NCAM2: variants seen among roughly 807,000 people sequenced by gnomAD.
The protein encoded by NCAM2 is neural cell adhesion molecule 2, also known as N-CAM-2.
A neutral mutation model predicts 98.1 loss-of-function variants in NCAM2; 30 were observed. The observed-to-expected ratio is 0.31, with a 90% confidence interval of 0.23 to 0.41. NCAM2 has a LOEUF of 0.41. Ranked by LOEUF, NCAM2 falls within the 10% of genes least tolerant of loss-of-function variation. The pLI is 1.00. For missense variants in NCAM2, 867 were observed against 1,005.8 expected (o/e 0.86, Z 1.87); for synonymous variants, 368 against 342.4 (o/e 1.07, Z -0.83).
chr21:21,056,559 G>GAGTGAGAGAGAGAGAT, intron 1 of NCAM2, among the ~76,000 whole-genome samples: 1 of 150,284 alleles, frequency 6.7e-6, no homozygotes, highest in South Asian at 2.1e-4. Context: ...GAGAGAGAGA[G>GAGTGAGAGAGAGAGAT]AGTGAGAGAG....
At chr21:21,315,984 A>G (rs2074208894) in intron 5 of NCAM2, among the ~76,000 whole-genome samples, 1 of 152,166 alleles carries the variant, frequency 6.6e-6, no homozygotes, top group African/African-American at 2.4e-5. Flanking sequence ...CCTTATTTAA[A>G]CAATAAGGAA....
intron 1 of NCAM2, among the ~76,000 whole-genome samples, chr21:21,128,819 G>A (rs529372903): frequency 6.6e-6 from 1 of 152,128 alleles, no homozygotes; most frequent in African/African-American, 2.4e-5. Context: ...CTTGGAAATG[G>A]CAAAAATATA....
intron 17 of NCAM2, among the ~76,000 whole-genome samples, chr21:21,536,729 A>C (rs1190555941): frequency 6.6e-6 from 1 of 152,092 alleles, no homozygotes; most frequent in Non-Finnish European, 1.5e-5. Context: ...GGTGTGGAAA[A>C]AGTATGTTGT....
intron 9 of NCAM2, among the ~76,000 whole-genome samples, chr21:21,403,858 C>T (rs1164767476): frequency 1.3e-5 from 2 of 151,966 alleles, no homozygotes; most frequent in African/African-American, 4.8e-5. Context: ...TAATTCTAAA[C>T]AAGTTATTGT....
intron 8 of NCAM2, among the ~76,000 whole-genome samples, chr21:21,367,762 T>C (rs1260240351): frequency 6.6e-6 from 1 of 151,970 alleles, no homozygotes; most frequent in Non-Finnish European, 1.5e-5. Context: ...ATTCTTATCA[T>C]ACCCATTATA....
chr21:21,329,139 G>A (rs946734342), intron 6 of NCAM2, among the ~76,000 whole-genome samples: 4 of 151,872 alleles, frequency 2.6e-5, no homozygotes, highest in Admixed American at 6.6e-5. Context: ...ATTTTTAGTA[G>A]AGACGGGTTT....
At chr21:21,197,680 G>A (rs761137547) in intron 1 of NCAM2, among the ~76,000 whole-genome samples, 2 of 152,054 alleles carry the variant, frequency 1.3e-5, no homozygotes, top group Non-Finnish European at 2.9e-5. Flanking sequence ...AACACATATC[G>A]TTTCTGTGTT....
intron 10 of NCAM2, among the ~76,000 whole-genome samples, chr21:21,411,528 T>G (rs967265574): frequency 4.6e-5 from 7 of 152,094 alleles, no homozygotes; most frequent in African/African-American, 1.7e-4. Flanking sequence ...AAAGTGCCTC[T>G]TATTTATTAA....
At chr21:21,233,442 C>A (rs1315747976) in intron 1 of NCAM2, among the ~76,000 whole-genome samples, 1 of 151,470 alleles carries the variant, frequency 6.6e-6, no homozygotes, top group Non-Finnish European at 1.5e-5. Context: ...TTTCTTAACT[C>A]CTTAGAAGCA....
At chr21:21,427,425 G>A (rs541391883) in intron 11 of NCAM2, among the ~76,000 whole-genome samples, 20 of 152,260 alleles carry the variant, frequency 1.3e-4, no homozygotes, top group Admixed American at 7.8e-4. Context: ...TAATCAAGAC[G>A]TGATAGCTGT....
chr21:21,495,258 A>G (rs1184472320), intron 15 of NCAM2, among the ~76,000 whole-genome samples: 1 of 151,908 alleles, frequency 6.6e-6, no homozygotes, highest in Non-Finnish European at 1.5e-5. Context: ...ATACCAATAG[A>G]CTTTAATTAT....
intron 15 of NCAM2, among the ~76,000 whole-genome samples, chr21:21,483,826 A>G (rs1366648018): frequency 6.6e-6 from 1 of 152,128 alleles, no homozygotes; most frequent in East Asian, 1.9e-4. Context: ...AGATGCAGTG[A>G]CATATGTCTG....
chr21:21,145,487 T>G (rs2067253034), intron 1 of NCAM2, among the ~76,000 whole-genome samples: 1 of 152,164 alleles, frequency 6.6e-6, no homozygotes, highest in Non-Finnish European at 1.5e-5. Context: ...GCAATATGTC[T>G]TATAACAAAT....
chr21:21,387,442 A>C (rs1467336026), intron 9 of NCAM2, among the ~76,000 whole-genome samples: 1 of 152,100 alleles, frequency 6.6e-6, no homozygotes, highest in African/African-American at 2.4e-5. Context: ...TAGGACAAGT[A>C]CAGAATTTCC....
At chr21:21,115,989 G>GTGTGTGTGTGTGTGTGTGTC (rs796784161) in intron 1 of NCAM2, among the ~76,000 whole-genome samples, 1 of 130,642 alleles carries the variant, frequency 7.7e-6, no homozygotes, top group African/African-American at 2.8e-5. Flanking sequence ...GTGTGTGTGT[G>GTGTGTGTGTGTGTGTGTGTC]TGTCTGTCTG....
chr21:21,468,574 A>G (rs774068748), intron 13 of NCAM2, 88 bp from the exon 14 acceptor site: 1 of 1,290,902 alleles, frequency 7.7e-7, no homozygotes, highest in Non-Finnish European at 1.1e-6. Context: ...ATATATTTTG[A>G]TTACATTACT....
chr21:21,175,439 A>G (rs2146873456), intron 1 of NCAM2, among the ~76,000 whole-genome samples: 1 of 152,328 alleles, frequency 6.6e-6, no homozygotes, highest in Admixed American at 6.5e-5. Context: ...AGGCTGAGGC[A>G]GGACAATCAC....
At chr21:21,473,911 A>G (rs1409535920) in intron 14 of NCAM2, among the ~76,000 whole-genome samples, 1 of 151,642 alleles carries the variant, frequency 6.6e-6, no homozygotes, top group Non-Finnish European at 1.5e-5. Context: ...ACCAAAAAAA[A>G]AAAAAAGGAA....
At chr21:21,376,466 A>G (rs528650621) in intron 9 of NCAM2, among the ~76,000 whole-genome samples, 2 of 151,948 alleles carry the variant, frequency 1.3e-5, no homozygotes, top group Admixed American at 6.6e-5. Context: ...AAACCGCAGC[A>G]TGTATTCAGA....
Sources: gnomAD v4.1 joint callset for allele counts (sites outside exome capture counted in the v4.1 genomes callset) on GRCh38, gnomAD v4.1.1 for gene constraint, MANE v1.5 for transcripts, NCBI Gene and HGNC (gene_info 2026-07-23, HGNC 2026-07-21) for gene names.